BTBD8: variants seen among roughly 807,000 people sequenced by gnomAD.
BTBD8 encodes the protein BTB domain containing 8, also known as BTB/POZ domain-containing protein 8.
Under a neutral mutation model 162.9 loss-of-function variants are expected in BTBD8, and 110 were observed. The observed-to-expected ratio is 0.68, with a 90% CI of 0.58 to 0.79. The LOEUF is 0.79. Among genes scored for constraint, BTBD8 ranks in the 30% least tolerant of loss-of-function variants. The pLI is 0.00. For missense variants in BTBD8, 1,905 were observed against 2,085.4 expected (o/e 0.91, Z 1.68); for synonymous variants, 667 against 716.1 (o/e 0.93, Z 1.10).
At chr1:92,173,331 A>G (rs1310004616) in intron 13 of BTBD8, among the ~76,000 whole-genome samples, 1 of 152,352 alleles carries the variant, frequency 6.6e-6, no homozygotes, top group Non-Finnish European at 1.5e-5. Context: ...CCCCAATGTT[A>G]TAGCTATGGA....
intron 1 of BTBD8, among the ~76,000 whole-genome samples, chr1:92,085,176 A>G (rs1372703641): frequency 1.3e-5 from 2 of 152,256 alleles, no homozygotes; most frequent in Admixed American, 6.5e-5. Flanking sequence ...TTATGTTCCC[A>G]GTGCTTAGTA....
rs527253978 is a variant in BTBD8 at position 92,080,502 on chromosome 1, C to T, written c.-70C>T. On this transcript the variant is annotated 5_prime_UTR_variant, in exon 1 of 18. Transcript: ENST00000636805. Reference sequence around the variant, plus strand: ...GCCGAGCGTTCGGTCGGAAACGCCCCCTTCTTCCTCCTGGGCGGGGCAAGT... The same window carrying T: ...GCCGAGCGTTCGGTCGGAAACGCCCTCTTCTTCCTCCTGGGCGGGGCAAGT... 71 of 1,580,438 alleles carry T rather than the reference C, an allele frequency of 4.5e-5. No homozygotes were observed. The East Asian group carries it at 1.6e-3, about 36-fold the overall frequency.
At chr1:92,149,313 T>G (rs1279273833) in intron 9 of BTBD8, among the ~76,000 whole-genome samples, 1 of 152,182 alleles carries the variant, frequency 6.6e-6, no homozygotes, top group Non-Finnish European at 1.5e-5. Flanking sequence ...CAAAGAAAAC[T>G]GAATCAGATT....
chr1:92,097,511 AG>A (rs1429756857), intron 2 of BTBD8, among the ~76,000 whole-genome samples: 1 of 152,188 alleles, frequency 6.6e-6, no homozygotes, highest in African/African-American at 2.4e-5. Context: ...CATCCCAGAA[AG>A]AAGCCCCATA....
At position 92,177,136 on chromosome 1, in the gene BTBD8, C is replaced by T. The variant is rs1570759891; in HGVS notation, c.1943C>T (p.Ala648Val). 2 of 1,551,632 alleles carry T rather than the reference C, an allele frequency of 1.3e-6. No homozygotes were observed. The highest frequency in any genetic ancestry group is 2.4e-5 in the South Asian group (2 of 84,058). Reference protein sequence around the residue: ...TKSKTENGDKARLENMSPRQV... With the variant: ...TKSKTENGDKVRLENMSPRQV... ...TCCAAAACAGAAAATGGTGATAAGG[C>T]ACGGTTGGAAAACATGTCACCTAGA... is the stretch of plus-strand genomic sequence containing the variant. Residue 648 changes from alanine to valine, a missense_variant, in exon 14 of 18, where the codon GCA becomes GTA. Around this residue, in one of 3 missense-constraint regions of BTBD8, gnomAD observed 1,374 missense variants for 1,442.7 expected, o/e 0.95. Coordinates refer to ENST00000636805, the MANE Select transcript of BTBD8 (RefSeq NM_001376131.1).
chr1:92,168,014 T>C, intron 11 of BTBD8, 29 bp downstream of exon 11: 1 of 1,504,794 alleles, frequency 6.6e-7, no homozygotes, highest in South Asian at 1.3e-5. Flanking sequence ...TTTATTAAAA[T>C]AATGCAATAT....
chr1:92,168,373 T>C (rs1302372343), intron 11 of BTBD8, among the ~76,000 whole-genome samples: 1 of 146,134 alleles, frequency 6.8e-6, no homozygotes, highest in Non-Finnish European at 1.5e-5. Context: ...CAGTGTCTTT[T>C]ATTTTTATAA....
chr1:92,117,637 A>AGGGTTT (rs1028387386), intron 4 of BTBD8, among the ~76,000 whole-genome samples: 5 of 152,022 alleles, frequency 3.3e-5, no homozygotes, highest in Non-Finnish European at 7.3e-5. Flanking sequence ...CCAAAGCTCA[A>AGGGTTT]GGGAGGGAGT....
intron 9 of BTBD8, among the ~76,000 whole-genome samples, chr1:92,161,190 A>G (rs1235719322): frequency 1.3e-5 from 2 of 152,198 alleles, no homozygotes; most frequent in Non-Finnish European, 2.9e-5. Context: ...TAATTGTTGA[A>G]TCAGTGTGTT....
At chr1:92,177,787 G>T in intron 14 of BTBD8, 24 bp from the exon 15 acceptor site, 3 of 1,305,070 alleles carry the variant, frequency 2.3e-6, no homozygotes, top group South Asian at 2.5e-5. Flanking sequence ...TCTCTCTTAT[G>T]ACTCACTTTT....
At chr1:92,132,991 A>G (rs1361980449) in intron 5 of BTBD8, among the ~76,000 whole-genome samples, 2 of 152,222 alleles carry the variant, frequency 1.3e-5, no homozygotes, top group African/African-American at 4.8e-5. Context: ...TGTATCATGT[A>G]TCAAATTGAT....
intron 2 of BTBD8, among the ~76,000 whole-genome samples, chr1:92,101,197 T>G (rs1479616861): frequency 6.6e-6 from 1 of 152,214 alleles, no homozygotes; most frequent in Non-Finnish European, 1.5e-5. Flanking sequence ...CCTGAGTTAC[T>G]TCCACATCAC....
intron 9 of BTBD8, among the ~76,000 whole-genome samples, chr1:92,148,197 G>T (rs550070788): frequency 6.6e-6 from 1 of 152,272 alleles, no homozygotes; most frequent in African/African-American, 2.4e-5. Flanking sequence ...CTTCCATCCT[G>T]TAAAAGGCCG....
intron 9 of BTBD8, among the ~76,000 whole-genome samples, chr1:92,151,550 A>AT (rs888713945): frequency 6.6e-6 from 1 of 151,496 alleles, no homozygotes; most frequent in African/African-American, 2.4e-5. Context: ...TTTTTAAATT[A>AT]TTTTTTTTCA....
intron 2 of BTBD8, among the ~76,000 whole-genome samples, chr1:92,090,957 G>T (rs1314818070): frequency 6.6e-6 from 1 of 152,168 alleles, no homozygotes; most frequent in Non-Finnish European, 1.5e-5. Context: ...TTATTATGTA[G>T]TCTAGCTTAT....
chr1:92,128,403 C>T (rs368850162), intron 4 of BTBD8, among the ~76,000 whole-genome samples: 5 of 152,072 alleles, frequency 3.3e-5, no homozygotes, highest in South Asian at 2.1e-4. Context: ...CTTAGTCTCC[C>T]GAGTAGCTGG....
At chr1:92,103,650 C>T (rs1194644744) in intron 3 of BTBD8, among the ~76,000 whole-genome samples, 1 of 152,116 alleles carries the variant, frequency 6.6e-6, no homozygotes, top group Non-Finnish European at 1.5e-5. Flanking sequence ...GCAGATCTTC[C>T]CATTCTCCTC....
At chr1:92,149,220 C>G (rs886658190) in intron 9 of BTBD8, among the ~76,000 whole-genome samples, 5 of 152,162 alleles carry the variant, frequency 3.3e-5, no homozygotes, top group African/African-American at 1.2e-4. Flanking sequence ...TTGTTTTCCT[C>G]CTACTGTCTC....
chr1:92,108,060 C>A, intron 4 of BTBD8, 59 bp downstream of exon 4: 1 of 1,457,088 alleles, frequency 6.9e-7, no homozygotes, highest in Non-Finnish European at 9.6e-7. Flanking sequence ...GGAAGGGCAG[C>A]TGTCTCTTAC....
Sources: allele counts gnomAD v4.1 joint callset (sites outside exome capture counted in the v4.1 genomes callset), GRCh38; gene constraint gnomAD v4.1.1; regional missense constraint gnomAD v4.1.1; transcripts MANE v1.5; gene names NCBI Gene and HGNC (gene_info 2026-07-23, HGNC 2026-07-21).